The following GABRR1 variants were observed in gnomAD, a reference collection of about 807,000 sequenced individuals.
GABRR1 encodes the protein gamma-aminobutyric acid receptor subunit rho-1.
Under a neutral mutation model 55.5 loss-of-function variants are expected in GABRR1, and 59 were observed. The ratio of observed to expected loss-of-function variants is 1.06; its 90% CI spans 0.86 to 1.32. The LOEUF is 1.32. Among genes scored for constraint, GABRR1 ranks in the 40% most tolerant of loss-of-function variants. The pLI, the probability that GABRR1 is intolerant of heterozygous loss-of-function variation, is 0.00. For missense variants in GABRR1, 602 were observed against 619.1 expected (o/e 0.97, Z 0.29); for synonymous variants, 213 against 226.0 (o/e 0.94, Z 0.51).
intron 8 of GABRR1, among the ~76,000 whole-genome samples, chr6:89,180,942 C>T (rs1211959440): frequency 6.6e-6 from 1 of 152,134 alleles, no homozygotes; most frequent in Non-Finnish European, 1.5e-5. Context: ...CCTGGGCCTG[C>T]GTCGACAGCT....
At chr6:89,195,912 G>C (rs983909105) in intron 5 of GABRR1, among the ~76,000 whole-genome samples, 3 of 152,094 alleles carry the variant, frequency 2.0e-5, no homozygotes, top group Non-Finnish European at 4.4e-5. Flanking sequence ...ACAAATCAGG[G>C]CTTGATTTAT....
chr6:89,215,766 C>A (rs1261264415), intron 1 of GABRR1, among the ~76,000 whole-genome samples: 2 of 152,280 alleles, frequency 1.3e-5, no homozygotes, highest in African/African-American at 2.4e-5. Flanking sequence ...ATCCTTACAT[C>A]ATTTTGTATG....
chr6:89,187,207 G>GT lies in GABRR1; in HGVS notation c.656-1758_656-1757insA, dbSNP rs1197322525. Among the ~76,000 whole-genome samples, 1,000 of 151,600 alleles carry GT rather than the reference G, an allele frequency of 6.6e-3. 4 individuals are homozygous for GT. The highest frequency in any genetic ancestry group is 0.013 in the South Asian group (61 of 4,806). ...CTCTTTCTGTGGCCTGGTTTCTGGG[G>GT]GGTGTGTGTGTGTGTGTGTGTGTTG... On this transcript the variant is annotated intron_variant, in intron 6 of 9. Transcript: ENST00000454853.
chr6:89,198,332 G>T, intron 4 of GABRR1, 89 bp from the exon 5 acceptor site: 2 of 994,950 alleles, frequency 2.0e-6, no homozygotes, highest in Middle Eastern at 6.0e-4. Flanking sequence ...CCATCACTTG[G>T]CTGGGGAATG....
chr6:89,214,842 T>G (rs892805206), intron 1 of GABRR1, among the ~76,000 whole-genome samples: 1 of 151,962 alleles, frequency 6.6e-6, no homozygotes, highest in Non-Finnish European at 1.5e-5. Context: ...CTGGGCAACA[T>G]AGTGAGACCC....
At chr6:89,214,798 G>A (rs1772936940) in intron 1 of GABRR1, among the ~76,000 whole-genome samples, 1 of 152,172 alleles carries the variant, frequency 6.6e-6, no homozygotes, top group South Asian at 2.1e-4. Flanking sequence ...GCCAAGGTGG[G>A]AGGATCACTT....
chr6:89,195,052 C>T (rs1171329220), intron 5 of GABRR1, among the ~76,000 whole-genome samples: 1 of 152,064 alleles, frequency 6.6e-6, no homozygotes, highest in Admixed American at 6.6e-5. Context: ...GGACACCAAA[C>T]AGAATCAATG....
intron 1 of GABRR1, among the ~76,000 whole-genome samples, chr6:89,212,968 G>A (rs1423328091): frequency 2.0e-5 from 3 of 152,104 alleles, no homozygotes; most frequent in Non-Finnish European, 4.4e-5. Context: ...CACCATGCCC[G>A]GCCTGAGACA....
At chr6:89,219,673 T>C (rs369857329), upstream of GABRR1, among the ~76,000 whole-genome samples, 28 of 152,332 alleles carry the variant, frequency 1.8e-4, no homozygotes, top group Middle Eastern at 3.4e-3. Flanking sequence ...AATTCTGTAA[T>C]AGTAGATGTT....
rs576272688 is a variant in GABRR1, at chr6:89,230,617, G to C, written c.-411+599C>G. Among the ~76,000 whole-genome samples, 66 of 152,134 alleles carry C rather than the reference G, an allele frequency of 4.3e-4. No individual in the cohort carries two copies. The South Asian group carries it at 6.5e-3, about 15-fold the overall frequency. On this transcript the variant is annotated intron_variant, in intron 1 of 11. Coordinates refer to the GABRR1 transcript ENST00000369451. ...GACCCGCTTGAGGAGGCAGTCTGCC[G>C]GTTCTCAGATCTCCAGCTGCGTGCT...
At chr6:89,191,179 T>C (rs1439850800) in intron 5 of GABRR1, among the ~76,000 whole-genome samples, 1 of 152,210 alleles carries the variant, frequency 6.6e-6, no homozygotes, top group African/African-American at 2.4e-5. Flanking sequence ...TTCCCACTGC[T>C]TTGAGGGTGG....
intron 1 of GABRR1, among the ~76,000 whole-genome samples, chr6:89,225,562 A>C (rs1392380012): frequency 2.3e-5 from 3 of 131,830 alleles, no homozygotes; most frequent in African/African-American, 8.9e-5. Context: ...ATGATTTCCA[A>C]TTTCATCCAT....
Position 89,198,090 on chromosome 6 carries a change from T to C in GABRR1, c.502A>G (p.Ile168Val), listed in dbSNP as rs200777807. 1.2e-6 allele frequency: 2 copies of C among 1,614,094 alleles called. No homozygotes were observed. Among genetic ancestry groups the C allele is most frequent in the East Asian group, 2.2e-5 (1 of 44,878 alleles). The stretch of plus-strand genomic sequence containing the variant: ...ACGTTGTCTGTGGTGGTGTCGTGGA[T>C]GAAGGAGCGTTTGGAGTGCACGAAA... ...MFFVHSKRSF[I>V]HDTTTDNVML... The change falls in exon 5 of 10, where the codon ATC becomes GTC. Residue 168 changes from isoleucine (I) to valine (V), a missense_variant. Physicochemically the swap from Ile to Val is conservative, Grantham distance 29. Around this residue, in one of 3 missense-constraint regions of GABRR1, gnomAD observed 435 missense variants for 424.2 expected, o/e 1.03. Coordinates refer to ENST00000454853, the MANE Select transcript of GABRR1 (RefSeq NM_002042.5).
chr6:89,189,511 T>C (rs1485168713), intron 6 of GABRR1, among the ~76,000 whole-genome samples: 2 of 81,980 alleles, frequency 2.4e-5, no homozygotes, highest in South Asian at 5.1e-4. Context: ...GGGACTGTGG[T>C]GGGGTGGGGG....
chr6:89,192,899 A>G (rs1042671200), intron 5 of GABRR1, among the ~76,000 whole-genome samples: 3 of 152,192 alleles, frequency 2.0e-5, no homozygotes, highest in African/African-American at 7.2e-5. Context: ...CTAGGGATTC[A>G]AAAGTCATGG....
upstream of GABRR1, among the ~76,000 whole-genome samples, chr6:89,220,139 A>G (rs929617356): frequency 6.6e-6 from 1 of 152,234 alleles, no homozygotes; most frequent in African/African-American, 2.4e-5. Flanking sequence ...TAGAAAGGAC[A>G]TTAAATGGCT....
intron 7 of GABRR1, among the ~76,000 whole-genome samples, chr6:89,182,402 A>C (rs547757220): frequency 6.6e-6 from 1 of 152,234 alleles, no homozygotes; most frequent in East Asian, 1.9e-4. Context: ...CCTGGGTGCA[A>C]GCAATCCTCC....
Position 89,179,022 on chromosome 6 carries a change from C to A in GABRR1, c.1188G>T (p.Met396Ile). The change falls in exon 10 of 10, where the codon ATG (methionine) becomes ATT (isoleucine). Residue 396 changes from methionine to isoleucine, a missense_variant. This residue lies in a region of GABRR1 where 139 missense variants were observed against 141.1 expected (regional missense o/e 0.99). Coordinates refer to ENST00000454853, the MANE Select transcript of GABRR1 (RefSeq NM_002042.5). ...TSGLPPPRTAMLDGNYSDGEV... is the reference protein window; with the variant it reads ...TSGLPPPRTAILDGNYSDGEV... The stretch of plus-strand genomic sequence containing the variant: ...CCCCATCACTGTAGTTGCCGTCCAG[C>A]ATCGCAGTGCGGGGCGGAGGTAATC... The A allele has an allele frequency of 6.2e-7, 1 of 1,614,176 alleles. No homozygotes were observed. The highest frequency in any genetic ancestry group is 1.3e-5 in the African/African-American group (1 of 75,042).
intron 1 of GABRR1, among the ~76,000 whole-genome samples, chr6:89,204,996 T>C (rs1772598566): frequency 6.6e-6 from 1 of 152,184 alleles, no homozygotes. Context: ...GTTATTAATC[T>C]TGAAATGATG....
Sources: allele counts gnomAD v4.1 joint callset (sites outside exome capture counted in the v4.1 genomes callset), GRCh38; gene constraint gnomAD v4.1.1; regional missense constraint gnomAD v4.1.1; transcripts MANE v1.5; gene names NCBI Gene and HGNC (gene_info 2026-07-23, HGNC 2026-07-21).